The following AMOTL1 variants were observed in gnomAD, a reference collection of about 807,000 sequenced individuals.
AMOTL1 encodes angiomotin like 1, also known as angiomotin-like protein 1.
In AMOTL1, 45 loss-of-function variants were observed where a neutral mutation model predicts 102.9. The observed-to-expected ratio is 0.44, with a 90% CI of 0.34 to 0.56. The LOEUF is 0.56. Ranked by LOEUF, AMOTL1 falls within the 20% of genes least tolerant of loss-of-function variation. The probability of loss-of-function intolerance (pLI) is 0.01; values close to 1 mark genes in which losing one functional copy is unlikely to be tolerated. For missense variants in AMOTL1, 1,114 were observed against 1,225.6 expected (o/e 0.91, Z 1.36); for synonymous variants, 481 against 484.7 (o/e 0.99, Z 0.10).
chr11:94,734,169 C>G (rs1306730886), intron 2 of AMOTL1, among the ~76,000 whole-genome samples: 2 of 152,290 alleles, frequency 1.3e-5, no homozygotes, highest in East Asian at 3.9e-4. Flanking sequence ...TTCATTTCAT[C>G]TCTTGGTCGC....
rs552466872 is a variant in AMOTL1, at chr11:94,771,261, G to T, written c.49+2701G>T. ...TTTTCTTTTCTTTTTGGCGGGGTTGGGGGGGGGGTGCGGTGTGTGGCTATC... is the reference window on the plus strand; with the variant it reads ...TTTTCTTTTCTTTTTGGCGGGGTTGTGGGGGGGGTGCGGTGTGTGGCTATC... On this transcript the variant is annotated intron_variant, in intron 1 of 12. Coordinates refer to ENST00000433060, the MANE Select transcript of AMOTL1 (RefSeq NM_130847.3). Among the ~76,000 whole-genome samples the T allele has an allele frequency of 4.8e-3, 672 of 139,080 alleles. 32 individuals carry two copies. The highest frequency in any genetic ancestry group is 0.018 in the African/African-American group (643 of 35,640). The allele number at this position is 139,080 out of a possible 152,430, so 91.2% of individuals were successfully genotyped here.
At chr11:94,714,552 T>C (rs1010998460) in intron 1 of AMOTL1, among the ~76,000 whole-genome samples, 1 of 152,100 alleles carries the variant, frequency 6.6e-6, no homozygotes, top group Non-Finnish European at 1.5e-5. Flanking sequence ...AATTCAATTT[T>C]TTAAATAGTT....
chr11:94,778,010 G>A (rs1951050043), intron 1 of AMOTL1, among the ~76,000 whole-genome samples: 1 of 152,194 alleles, frequency 6.6e-6, no homozygotes, highest in Admixed American at 6.5e-5. Flanking sequence ...TTCTATAAAA[G>A]GAATGTAATG....
At chr11:94,739,461 G>T (rs916446727) in intron 2 of AMOTL1, among the ~76,000 whole-genome samples, 1 of 152,166 alleles carries the variant, frequency 6.6e-6, no homozygotes. Context: ...AATGCTGGCC[G>T]AAGGGGCTTT....
At chr11:94,863,516 C>T (rs1301207403) in intron 9 of AMOTL1, among the ~76,000 whole-genome samples, 3 of 151,920 alleles carry the variant, frequency 2.0e-5, no homozygotes, top group Non-Finnish European at 2.9e-5. Flanking sequence ...CGCTTGAACT[C>T]AGGAGGTGGA....
chr11:94,797,870 T>C (rs1029202357), intron 2 of AMOTL1, among the ~76,000 whole-genome samples: 3 of 152,218 alleles, frequency 2.0e-5, no homozygotes, highest in African/African-American at 7.2e-5. Context: ...CACCATATGA[T>C]AGAATATCAG....
intron 7 of AMOTL1, among the ~76,000 whole-genome samples, chr11:94,853,628 C>T (rs1441063218): frequency 6.6e-6 from 1 of 152,150 alleles, no homozygotes; most frequent in East Asian, 1.9e-4. Flanking sequence ...CTTCCAATGC[C>T]TGAAAATGCA....
intron 3 of AMOTL1, among the ~76,000 whole-genome samples, chr11:94,802,219 T>TTA (rs1951491832): frequency 1.3e-5 from 2 of 152,162 alleles, no homozygotes; most frequent in South Asian, 4.1e-4. Flanking sequence ...TCTTCCCCCT[T>TTA]TATAGCTCCT....
At chr11:94,735,356 G>T (rs1247364467) in intron 2 of AMOTL1, among the ~76,000 whole-genome samples, 1 of 152,238 alleles carries the variant, frequency 6.6e-6, no homozygotes, top group East Asian at 1.9e-4. Flanking sequence ...ATGCAGCTAA[G>T]ATTTCCTTTG....
chr11:94,847,870 T>A (rs1952450146), intron 6 of AMOTL1, among the ~76,000 whole-genome samples: 1 of 152,320 alleles, frequency 6.6e-6, no homozygotes, highest in African/African-American at 2.4e-5. Context: ...TGAGAAGCTT[T>A]GGTTGTGGCT....
At chr11:94,721,118 G>C (rs1355305069) in intron 1 of AMOTL1, among the ~76,000 whole-genome samples, 1 of 152,074 alleles carries the variant, frequency 6.6e-6, no homozygotes, top group Non-Finnish European at 1.5e-5. Flanking sequence ...TAAGAGCCTA[G>C]GAGGTCAGGA....
intron 8 of AMOTL1, among the ~76,000 whole-genome samples, chr11:94,857,172 C>T (rs796774009): frequency 1.3e-4 from 20 of 152,304 alleles, no homozygotes; most frequent in African/African-American, 4.6e-4. Context: ...ATAAATTATA[C>T]TTACCTCACA....
At chr11:94,753,443 A>C (rs1450215412) in intron 3 of AMOTL1, among the ~76,000 whole-genome samples, 1 of 152,190 alleles carries the variant, frequency 6.6e-6, no homozygotes, top group East Asian at 1.9e-4. Context: ...AAAAGAAAAT[A>C]AATTACAAAT....
At chr11:94,758,972 T>A (rs1591937048) in intron 3 of AMOTL1, among the ~76,000 whole-genome samples, 1 of 151,962 alleles carries the variant, frequency 6.6e-6, no homozygotes, top group African/African-American at 2.4e-5. Context: ...CATAACACTT[T>A]AAAAAAAACA....
At position 94,799,829 on chromosome 11, in the gene AMOTL1, G is replaced by A. The variant is rs760577417; in HGVS notation, c.639G>A (p.Ala213=). Residue 213 remains alanine, a synonymous_variant, in exon 3 of 13, where the codon GCG becomes GCA. Transcript: ENST00000433060. The surrounding 1 kb of genome is among the most constrained non-coding windows in gnomAD (Gnocchi z 4.5). The part of the protein sequence containing the change: ...GQQQQQQQQG[A]VGHGYYMAGG... ...AGCAGCAGCAACAGCAGCAGGGGGC[G>A]GTGGGCCATGGTTACTACATGGCAG... 1.2e-5 allele frequency: 19 copies of A among 1,592,690 alleles called. No individual in the cohort carries two copies. The highest frequency in any genetic ancestry group is 1.7e-4 in the Middle Eastern group (1 of 5,984).
chr11:94,751,916 C>T (rs1474834849), intron 3 of AMOTL1, among the ~76,000 whole-genome samples: 1 of 152,008 alleles, frequency 6.6e-6, no homozygotes, highest in East Asian at 1.9e-4. Flanking sequence ...AAATTAAACA[C>T]AAGCGTGACT....
intron 9 of AMOTL1, among the ~76,000 whole-genome samples, 156 bp from the exon 10 acceptor site, chr11:94,864,579 G>T (rs367551019): frequency 9.2e-4 from 140 of 152,300 alleles, no homozygotes; most frequent in African/African-American, 3.2e-3. Flanking sequence ...TAACTGAGCT[G>T]GGGAAATTGG....
intron 7 of AMOTL1, among the ~76,000 whole-genome samples, chr11:94,850,708 G>T (rs370245300): frequency 9.1e-4 from 138 of 152,328 alleles, no homozygotes; most frequent in African/African-American, 3.1e-3. Context: ...AAGGAGCAGA[G>T]GCCTAGCCAG....
intron 3 of AMOTL1, among the ~76,000 whole-genome samples, chr11:94,744,743 G>A (rs945106792): frequency 6.6e-6 from 1 of 151,974 alleles, no homozygotes; most frequent in Non-Finnish European, 1.5e-5. Flanking sequence ...TTGTAACATT[G>A]GTTTAATAAC....
Sources: allele counts gnomAD v4.1 joint callset (sites outside exome capture counted in the v4.1 genomes callset), GRCh38; gene constraint gnomAD v4.1.1; non-coding constraint Gnocchi (gnomAD v3.1); transcripts MANE v1.5; gene names NCBI Gene and HGNC (gene_info 2026-07-23, HGNC 2026-07-21).